Variants in PLA2R1 observed in about 807,000 individuals in gnomAD.
The protein encoded by PLA2R1 is secretory phospholipase A2 receptor.
PLA2R1 carries 158 observed loss-of-function variants against 195.9 expected under a neutral mutation model. That is an observed-to-expected ratio of 0.81 (90% CI 0.71 to 0.92). The LOEUF is 0.92. Ranked by LOEUF, PLA2R1 falls within the 40% of genes least tolerant of loss-of-function variation. The pLI is 0.00. For synonymous variants in PLA2R1, 586 were observed against 598.2 expected, an observed-to-expected ratio of 0.98 and a Z score of 0.30; for missense variants, 1,626 against 1,764.6, an observed-to-expected ratio of 0.92 and a Z score of 1.41.
In PLA2R1 at chr2:160,058,630, T is replaced by C. The variant is rs548444882; in HGVS notation, c.109+3665A>G. Among the ~76,000 whole-genome samples the C allele has an allele frequency of 3.5e-3, 526 of 152,308 alleles. 5 individuals carry two copies. The highest frequency in any genetic ancestry group is 0.012 in the African/African-American group (506 of 41,556). ...ACCAGGATGCTCCATCCCCTTCTTC[T>C]TTCTCCCCGCTGTCCACTTTGTATC... On this transcript the variant is annotated intron_variant, in intron 1 of 29. Coordinates refer to ENST00000283243, the MANE Select transcript of PLA2R1 (RefSeq NM_007366.5).
chr2:160,006,327 G>A (rs916814559), intron 10 of PLA2R1, among the ~76,000 whole-genome samples: 5 of 152,222 alleles, frequency 3.3e-5, no homozygotes, highest in Admixed American at 2.0e-4. Context: ...AGAAATTAAA[G>A]TAGCAATTTT....
chr2:160,024,329 A>G (rs1693359372), intron 6 of PLA2R1, among the ~76,000 whole-genome samples: 1 of 152,136 alleles, frequency 6.6e-6, no homozygotes, highest in Non-Finnish European at 1.5e-5. Flanking sequence ...GGTGTGGCCA[A>G]GTTGCCACGA....
At position 160,005,774 on chromosome 2, in the gene PLA2R1, A is replaced by T; in HGVS notation, c.1712T>A (p.Met571Lys). The T allele has an allele frequency of 6.2e-7, 1 of 1,613,060 alleles. No homozygotes were observed. The highest frequency in any genetic ancestry group is 1.1e-5 in the South Asian group (1 of 91,064). ...ITSLISSVVKMKDSYFWIALQ... is the reference protein window; with the variant it reads ...ITSLISSVVKKKDSYFWIALQ... ...AGCTATCCAAAAATAACTGTCCTTC[A>T]TTTTTACCACACTACTGATCAAACT... Residue 571 changes from methionine (M) to lysine (K), a missense_variant, in exon 11 of 30, where the codon ATG (methionine) becomes AAG (lysine). By Grantham distance (95) the Met-to-Lys change is moderately conservative. Coordinates refer to ENST00000283243, the MANE Select transcript of PLA2R1 (RefSeq NM_007366.5).
chr2:160,039,418 G>GTA (rs1694383020), intron 3 of PLA2R1, among the ~76,000 whole-genome samples: 1 of 152,054 alleles, frequency 6.6e-6, no homozygotes, highest in Non-Finnish European at 1.5e-5. Context: ...TTCACCGCTA[G>GTA]TATATTTGTA....
intron 11 of PLA2R1, among the ~76,000 whole-genome samples, chr2:160,001,087 G>C (rs996983599): frequency 6.6e-6 from 1 of 152,058 alleles, no homozygotes; most frequent in African/African-American, 2.4e-5. Context: ...ATCACAGAAG[G>C]AATGGTACAC....
Position 159,941,893 on chromosome 2 carries a change from C to T in PLA2R1, c.4277G>A (p.Gly1426Asp), listed in dbSNP as rs757760363. ...AAACCCTGCAAGTCTCCTGAAGAAG[C>T]CACCGTTATGCTTGTATATGCAGAA... ...LSFCIYKHNG[G>D]FFRRLAGFRN... The change falls in exon 30 of 30, where the codon GGC becomes GAC. Residue 1426 changes from glycine (G) to aspartate (D), a missense_variant. Physicochemically the swap from Gly to Asp is moderately conservative, Grantham distance 94. Transcript: ENST00000283243. The T allele has an allele frequency of 1.2e-6, 2 of 1,613,506 alleles. No individual in the cohort carries two copies. Among genetic ancestry groups the T allele is most frequent in the Admixed American group, 1.7e-5 (1 of 59,966 alleles).
At chr2:160,034,816 C>A (rs1287236873) in intron 3 of PLA2R1, among the ~76,000 whole-genome samples, 2 of 151,558 alleles carry the variant, frequency 1.3e-5, no homozygotes, top group Admixed American at 6.6e-5. Context: ...TGCCTGTAAT[C>A]CCAGCCCTTT....
At chr2:160,025,908 G>T (rs1305088336) in intron 6 of PLA2R1, among the ~76,000 whole-genome samples, 2 of 152,174 alleles carry the variant, frequency 1.3e-5, no homozygotes, top group African/African-American at 4.8e-5. Context: ...GATACAAGTA[G>T]CAGATATGTA....
At position 159,940,503 on chromosome 2, in the gene PLA2R1, C is replaced by T. The variant is rs996707224; in HGVS notation, c.*1275G>A. ...TCAACTTCTGGGCTCAGTTGATCCT[C>T]TTCCCTCAGCCTCCTAAGTAGCTGG... On this transcript the variant is annotated 3_prime_UTR_variant, in exon 30 of 30. Coordinates refer to ENST00000283243, the MANE Select transcript of PLA2R1 (RefSeq NM_007366.5). 6.6e-6 allele frequency: 1 copy of T among 152,256 alleles called. No homozygotes were observed. Among genetic ancestry groups the T allele is most frequent in the African/African-American group, 2.4e-5 (1 of 41,460 alleles). The allele number at this position is 152,256 out of a possible 1,614,324, so 9.4% of individuals were successfully genotyped here.
intron 8 of PLA2R1, among the ~76,000 whole-genome samples, chr2:160,018,275 T>A (rs1262561652): frequency 6.6e-6 from 1 of 152,134 alleles, no homozygotes; most frequent in Admixed American, 6.5e-5. Context: ...AACATACCCA[T>A]GCCTGTCAAT....
chr2:160,037,271 C>G (rs1309215488), intron 3 of PLA2R1, among the ~76,000 whole-genome samples: 3 of 152,176 alleles, frequency 2.0e-5, no homozygotes, highest in Admixed American at 6.6e-5. Context: ...AATCATCACT[C>G]CCCTGCTTAA....
chr2:160,004,105 A>C (rs945886093), intron 11 of PLA2R1, among the ~76,000 whole-genome samples: 1 of 152,234 alleles, frequency 6.6e-6, no homozygotes, highest in African/African-American at 2.4e-5. Context: ...AAATGTATTG[A>C]TGTTGGGAAG....
At chr2:160,027,522 C>T (rs934854935) in intron 6 of PLA2R1, among the ~76,000 whole-genome samples, 2 of 152,110 alleles carry the variant, frequency 1.3e-5, no homozygotes, top group Non-Finnish European at 2.9e-5. Flanking sequence ...AAAGTTAAAA[C>T]CCAATTCTAA....
intron 14 of PLA2R1, among the ~76,000 whole-genome samples, chr2:159,979,281 C>G (rs925870833): frequency 6.6e-6 from 1 of 152,116 alleles, no homozygotes; most frequent in Non-Finnish European, 1.5e-5. Flanking sequence ...AGTGAGTTCT[C>G]TGTGTCCTTC....
At position 159,976,598 on chromosome 2, in the gene PLA2R1, T is replaced by C; in HGVS notation, c.2437+87A>G. On this transcript the variant is annotated intron_variant, in intron 16 of 29. Transcript: ENST00000283243. Reference sequence around the variant, plus strand: ...GAAAAGAGAGGCTCGATTTGAGAAATGTAACAACACATTAATGGTATATAA... The same window carrying C: ...GAAAAGAGAGGCTCGATTTGAGAAACGTAACAACACATTAATGGTATATAA... 1.2e-5 allele frequency: 10 copies of C among 834,628 alleles called. No homozygotes were observed. The Middle Eastern group carries it at 1.4e-3, about 118-fold the overall frequency. 51.7% of individuals were successfully genotyped at this position (834,628 alleles called of 1,614,324 possible).
intron 12 of PLA2R1, 137 bp from the exon 13 acceptor site, chr2:159,984,210 A>G: frequency 2.1e-6 from 1 of 481,178 alleles, no homozygotes; most frequent in Non-Finnish European, 3.7e-6. Flanking sequence ...GGAGGAAGTA[A>G]TATTTACTGA....
At chr2:160,016,582 T>C (rs1692781283) in intron 9 of PLA2R1, 32 bp downstream of exon 9, 1 of 1,040,114 alleles carries the variant, frequency 9.6e-7, no homozygotes, top group South Asian at 1.3e-5. Context: ...ATGAAGTCCC[T>C]GTACCTAAAT....
rs1692477326 is a variant in PLA2R1, at chr2:160,013,113, A to G, written c.1664+150T>C. ...TCTGGAATAACATAGTATAATTTAA[A>G]TTCATCTCAATAAATAACTTAAATA... On this transcript the variant is annotated intron_variant, in intron 10 of 29. Coordinates refer to ENST00000283243, the MANE Select transcript of PLA2R1 (RefSeq NM_007366.5). 1.0e-5 allele frequency: 4 copies of G among 391,328 alleles called. No homozygotes were observed. The Admixed American group carries it at 1.2e-4, about 12-fold the overall frequency. The allele number at this position is 391,328 out of a possible 1,614,324, so 24.2% of individuals were successfully genotyped here. A position where few individuals can be genotyped will look rare whatever the true frequency, so the allele number is the denominator to read the frequency against.
chr2:159,927,348 G>A (rs566455952), downstream of PLA2R1, among the ~76,000 whole-genome samples: 16 of 152,228 alleles, frequency 1.1e-4, no homozygotes, highest in East Asian at 3.1e-3. Context: ...CTTTGATCAG[G>A]TTGGATGCAA....
Sources: gnomAD v4.1 joint callset for allele counts (sites outside exome capture counted in the v4.1 genomes callset) on GRCh38, gnomAD v4.1.1 for gene constraint, MANE v1.5 for transcripts, NCBI Gene and HGNC (gene_info 2026-07-23, HGNC 2026-07-21) for gene names.